UMODL1: variants seen among roughly 807,000 people sequenced by gnomAD.
UMODL1 encodes the protein uromodulin like 1.
In UMODL1, 128 loss-of-function variants were observed where a neutral mutation model predicts 136.3. The observed-to-expected ratio is 0.94, with a 90% confidence interval of 0.81 to 1.09. The LOEUF is 1.09. Ranked by LOEUF, UMODL1 falls within the 50% of genes least tolerant of loss-of-function variation. The pLI, the probability that UMODL1 is intolerant of heterozygous loss-of-function variation, is 0.00. For synonymous variants in UMODL1, 721 were observed against 720.0 expected, an observed-to-expected ratio of 1.00 and a Z score of -0.02; for missense variants, 1,766 against 1,725.6, an observed-to-expected ratio of 1.02 and a Z score of -0.41.
chr21:42,111,265 G>A (rs1345453032), intron 11 of UMODL1, 144 bp downstream of exon 11: 1 of 1,418,592 alleles, frequency 7.0e-7, no homozygotes, highest in East Asian at 3.0e-5. Flanking sequence ...CCAGCCAGGG[G>A]AGCCCCAGCC....
intron 14 of UMODL1, among the ~76,000 whole-genome samples, chr21:42,118,888 G>T (rs1045920808): frequency 6.6e-6 from 1 of 152,206 alleles, no homozygotes; most frequent in Admixed American, 6.5e-5. Flanking sequence ...CTGGTTTGGG[G>T]GGGGAAACAA....
chr21:42,065,548 T>C (rs531100008), intron 1 of UMODL1, among the ~76,000 whole-genome samples: 19 of 151,780 alleles, frequency 1.3e-4, no homozygotes, highest in Admixed American at 8.5e-4. Flanking sequence ...TTTTCTTTTT[T>C]TTTTTTTGAG....
rs146648733 is a variant in UMODL1, at chr21:42,084,023, G to A, written c.320-61G>A. 1,808 of 1,582,610 alleles carry A rather than the reference G, an allele frequency of 1.1e-3. 16 individuals carry two copies. The African/African-American group carries it at 0.02, about 17-fold the overall frequency. ...CAGGAAGCACCGACGTGAGGTCCCC[G>A]TGCAGCAAATCAGGTTTGTCTTTTA... On this transcript the variant is annotated intron_variant, in intron 2 of 22. Transcript: ENST00000408910.
chr21:42,070,987 G>A (rs531236235), upstream of UMODL1, among the ~76,000 whole-genome samples: 43 of 152,322 alleles, frequency 2.8e-4, no homozygotes, highest in South Asian at 4.1e-3. Flanking sequence ...TGTTTTCTGC[G>A]TAACAACGAG....
At position 42,127,650 on chromosome 21, in the gene UMODL1, G is replaced by C. The variant is rs763398312; in HGVS notation, c.3531-22G>C. The stretch of plus-strand genomic sequence containing the variant: ...AGCGGGGCTCGCTGACAAGCAAGGA[G>C]TCCCATTTCCTCTCTTCTCAGCTGC... On this transcript the variant is annotated intron_variant, in intron 19 of 22. Transcript: ENST00000408910. 2.5e-6 allele frequency: 4 copies of C among 1,606,330 alleles called. No individual in the cohort carries two copies. The East Asian group carries it at 8.9e-5, about 36-fold the overall frequency.
intron 6 of UMODL1, among the ~76,000 whole-genome samples, chr21:42,094,805 C>G (rs1458698344): frequency 6.6e-6 from 1 of 152,000 alleles, no homozygotes; most frequent in African/African-American, 2.4e-5. Flanking sequence ...GCTGTGCTGT[C>G]CAGCCACGGG....
chr21:42,127,933 G>A, intron 20 of UMODL1, 102 bp downstream of exon 20: 9 of 1,501,178 alleles, frequency 6.0e-6, no homozygotes, highest in Non-Finnish European at 7.4e-6. Flanking sequence ...AGTGGCTCGG[G>A]GCCAACCTCT....
At chr21:42,087,836 G>T (rs1045347783) in intron 4 of UMODL1, among the ~76,000 whole-genome samples, 1 of 152,166 alleles carries the variant, frequency 6.6e-6, no homozygotes, top group Non-Finnish European at 1.5e-5. Flanking sequence ...TCCTCCTGAG[G>T]CCCCCAGGCC....
rs150611312 is a variant in UMODL1 at position 42,123,083 on chromosome 21, G to A, written c.3080G>A (p.Ser1027Asn). ...LYLSHPSCNV[S>N]HSNGTHVLLE... is the part of the protein sequence containing the mutation. Reference sequence around the variant, plus strand: ...CTCAGCCACCCCTCCTGCAACGTGAGCCACAGCAATGGCACACACGTGCTC... The same window carrying A: ...CTCAGCCACCCCTCCTGCAACGTGAACCACAGCAATGGCACACACGTGCTC... Residue 1027 changes from serine (S) to asparagine (N), a missense_variant, in exon 17 of 23, where the codon AGC becomes AAC. Coordinates refer to ENST00000408910, the MANE Select transcript of UMODL1 (RefSeq NM_001004416.3). The surrounding 1 kb of genome is among the most constrained non-coding windows in gnomAD (Gnocchi z 4.4). 19,390 of 1,614,140 alleles carry A rather than the reference G, an allele frequency of 0.012. 154 individuals are homozygous for A. Among genetic ancestry groups the A allele is most frequent in the Non-Finnish European group, 0.015 (17,296 of 1,180,028 alleles).
chr21:42,127,711 C>CT lies in UMODL1; in HGVS notation c.3570_3571insT (p.Gly1191TrpfsTer5), dbSNP rs777664492. 1 of 1,614,186 alleles carries CT rather than the reference C, an allele frequency of 6.2e-7. No individual in the cohort carries two copies. Among genetic ancestry groups the CT allele is most frequent in the East Asian group, 2.2e-5 (1 of 44,890 alleles). On this transcript the variant is annotated frameshift_variant, in exon 20 of 23. Coordinates refer to ENST00000408910, the MANE Select transcript of UMODL1 (RefSeq NM_001004416.3). LOFTEE classifies it high-confidence loss of function. Reference sequence around the variant, plus strand: ...ACACATACACCAACGTGATTGAGAACGGCAACTCCAATAAGGCCCAGTTCA... The same window carrying CT: ...ACACATACACCAACGTGATTGAGAACTGGCAACTCCAATAAGGCCCAGTTCA...
At chr21:42,092,228 G>A (rs2066500199) in intron 6 of UMODL1, among the ~76,000 whole-genome samples, 1 of 152,174 alleles carries the variant, frequency 6.6e-6, no homozygotes, top group African/African-American at 2.4e-5. Context: ...ATCCTGCAGG[G>A]AAGCTTGACT....
chr21:42,088,196 T>C, intron 4 of UMODL1, 98 bp from the exon 5 acceptor site: 1 of 1,283,278 alleles, frequency 7.8e-7, no homozygotes, highest in Non-Finnish European at 1.1e-6. Context: ...ATGGTACGTG[T>C]GTGTGGACAG....
chr21:42,074,911 T>A (rs1248068740), intron 1 of UMODL1, among the ~76,000 whole-genome samples: 1 of 151,208 alleles, frequency 6.6e-6, no homozygotes, highest in Non-Finnish European at 1.5e-5. Context: ...TATTTTTGTT[T>A]TTTTTTTCAG....
chr21:42,119,439 C>T (rs999627527), intron 15 of UMODL1, 115 bp downstream of exon 15: 15 of 884,638 alleles, frequency 1.7e-5, no homozygotes, highest in African/African-American at 6.6e-5. Flanking sequence ...GGTCCTTCTT[C>T]CCCCAGAATT....
intron 22 of UMODL1, among the ~76,000 whole-genome samples, chr21:42,139,830 A>G (rs956025597): frequency 2.6e-5 from 4 of 152,218 alleles, no homozygotes; most frequent in Non-Finnish European, 4.4e-5. Context: ...AGACCCCAGA[A>G]TACTGCGCAT....
chr21:42,112,871 A>C (rs220136), intron 12 of UMODL1: 69,578 of 150,486 alleles, frequency 0.46, 17,033 homozygotes, highest in Non-Finnish European at 0.54. Context: ...ACCTCTAGTC[A>C]TACCGTAACC....
intron 9 of UMODL1, among the ~76,000 whole-genome samples, chr21:42,109,010 T>G (rs182696156): frequency 4.3e-5 from 4 of 92,748 alleles, no homozygotes; most frequent in African/African-American, 4.8e-5. Context: ...CCACCCCCGG[T>G]GTGGAAAGCT....
Position 42,119,092 on chromosome 21 carries a change from A to G in UMODL1, c.2476-19A>G, listed in dbSNP as rs368865580. The stretch of plus-strand genomic sequence containing the variant: ...CCTCTCAGCGTGGGGACCTCCTCAC[A>G]TGGCCTCTTTCCCCGCAGGTGCGGG... On this transcript the variant is annotated intron_variant, in intron 14 of 22. Coordinates refer to ENST00000408910, the MANE Select transcript of UMODL1 (RefSeq NM_001004416.3). 88 of 1,609,806 alleles carry G rather than the reference A, an allele frequency of 5.5e-5. No homozygotes were observed. Among genetic ancestry groups the G allele is most frequent in the Non-Finnish European group, 7.1e-5 (84 of 1,178,452 alleles).
At chr21:42,110,662 A>T (rs2066808067) in intron 10 of UMODL1, among the ~76,000 whole-genome samples, 1 of 152,050 alleles carries the variant, frequency 6.6e-6, no homozygotes, top group Non-Finnish European at 1.5e-5. Flanking sequence ...TTCCTCATTT[A>T]TCCAGTGGAG....
Sources: allele counts gnomAD v4.1 joint callset (sites outside exome capture counted in the v4.1 genomes callset), GRCh38; gene constraint gnomAD v4.1.1; non-coding constraint Gnocchi (gnomAD v3.1); transcripts MANE v1.5; gene names NCBI Gene and HGNC (gene_info 2026-07-23, HGNC 2026-07-21).